TRMT61B: variants seen among roughly 807,000 people sequenced by gnomAD.
TRMT61B encodes the protein tRNA (adenine(58)-N(1))-methyltransferase, mitochondrial.
TRMT61B carries 56 observed loss-of-function variants against 52.0 expected under a neutral mutation model. That is an observed-to-expected ratio of 1.08 (90% CI 0.87 to 1.35). The LOEUF (loss-of-function observed/expected upper bound fraction) is 1.35. Ranked by LOEUF, TRMT61B falls within the 40% of genes most tolerant of loss-of-function variation. TRMT61B has a pLI of 0.00. For missense variants in TRMT61B, 650 were observed against 577.9 expected, an observed-to-expected ratio of 1.12 and a Z score of -1.28; for synonymous variants, 206 against 220.0, an observed-to-expected ratio of 0.94 and a Z score of 0.56.
intron 2 of TRMT61B, among the ~76,000 whole-genome samples, chr2:28,864,017 A>G (rs987870825): frequency 1.8e-4 from 27 of 152,288 alleles, no homozygotes; most frequent in African/African-American, 6.0e-4. Context: ...TAGGAACATG[A>G]AAAAATATAT....
rs186134589 is a variant in TRMT61B, at chr2:28,858,607, C to T, written c.993+2511G>A. Among the ~76,000 whole-genome samples, 412 of 151,018 alleles carry T rather than the reference C, an allele frequency of 2.7e-3. 3 individuals carry two copies. The highest frequency in any genetic ancestry group is 9.6e-3 in the African/African-American group (397 of 41,274). ...CCCTGGAGTTCGAGACCAGCCTAGG[C>T]AACATGGTGAAACCCCATCTCTACT... On this transcript the variant is annotated intron_variant, in intron 3 of 6. Coordinates refer to ENST00000306108, the MANE Select transcript of TRMT61B (RefSeq NM_017910.4).
chr2:28,854,497 T>G (rs371692806), intron 3 of TRMT61B, among the ~76,000 whole-genome samples: 1 of 152,034 alleles, frequency 6.6e-6, no homozygotes, highest in African/African-American at 2.4e-5. Context: ...CCCAGCACTT[T>G]GCGAGGCCGA....
chr2:28,852,550 G>A, intron 3 of TRMT61B, 51 bp from the exon 4 acceptor site: 1 of 1,225,450 alleles, frequency 8.2e-7, no homozygotes, highest in Non-Finnish European at 1.2e-6. Flanking sequence ...TTTAAATAAA[G>A]CATAAGTTTT....
At chr2:28,856,956 C>T (rs564053667) in intron 3 of TRMT61B, among the ~76,000 whole-genome samples, 10 of 151,912 alleles carry the variant, frequency 6.6e-5, no homozygotes, top group East Asian at 3.9e-4. Flanking sequence ...ATTTTTGAGA[C>T]AGAGTCTTGC....
At chr2:28,858,712 T>C (rs1348232932) in intron 3 of TRMT61B, among the ~76,000 whole-genome samples, 2 of 145,356 alleles carry the variant, frequency 1.4e-5, no homozygotes, top group African/African-American at 2.6e-5. Context: ...CGAGAATCGC[T>C]TGAACCCGGG....
Position 28,869,666 on chromosome 2 carries a change from G to A in TRMT61B, c.612C>T (p.Ser204=). 6 of 1,614,154 alleles carry A rather than the reference G, an allele frequency of 3.7e-6. No individual in the cohort carries two copies. The highest frequency in any genetic ancestry group is 5.1e-6 in the Non-Finnish European group (6 of 1,180,010). ...TCCTCAGCATGTACTGCTTACCGAA[G>A]GAACTCCTCAGTATCTGGCCGGGGA... ...GKFPGQILRS[S]FGKQYMLRRP... Residue 204 remains serine (S), a synonymous_variant, in exon 1 of 7, where the codon TCC becomes TCT. Coordinates refer to ENST00000306108, the MANE Select transcript of TRMT61B (RefSeq NM_017910.4).
Position 28,850,310 on chromosome 2 carries a change from T to C in TRMT61B, c.1390+18A>G. 1 of 1,605,458 alleles carries C rather than the reference T, an allele frequency of 6.2e-7. No individual in the cohort carries two copies. Among genetic ancestry groups the C allele is most frequent in the South Asian group, 1.1e-5 (1 of 90,146 alleles). ...AAAGAAAAAACACCATTTAATATGTTCTGAAAACATTACTCACCTGTATGA... is the reference window on the plus strand; with the variant it reads ...AAAGAAAAAACACCATTTAATATGTCCTGAAAACATTACTCACCTGTATGA... On this transcript the variant is annotated intron_variant, in intron 6 of 6. Transcript: ENST00000306108.
chr2:28,856,345 C>T (rs1669340745), intron 3 of TRMT61B, among the ~76,000 whole-genome samples: 1 of 152,170 alleles, frequency 6.6e-6, no homozygotes, highest in Non-Finnish European at 1.5e-5. Flanking sequence ...TAGGTCAACA[C>T]CTCACCATAT....
chr2:28,859,778 A>G (rs183447609), intron 3 of TRMT61B, among the ~76,000 whole-genome samples: 6 of 152,320 alleles, frequency 3.9e-5, no homozygotes, highest in Non-Finnish European at 7.3e-5. Context: ...TCATCAAGCA[A>G]AATTCTGATG....
intron 2 of TRMT61B, among the ~76,000 whole-genome samples, chr2:28,864,771 AAAG>A: frequency 6.6e-6 from 1 of 152,242 alleles, no homozygotes; most frequent in East Asian, 1.9e-4. Context: ...ACTTAAGAAA[AAAG>A]AAGCAGCATT....
In TRMT61B at chr2:28,863,841, T is replaced by C. The variant is rs531101676; in HGVS notation, c.802+1176A>G. ...AGCATATTTCTATCTGTAATCTTTATAAAATCTACTCAAAGAAAGTACTGT... is the reference window on the plus strand; with the variant it reads ...AGCATATTTCTATCTGTAATCTTTACAAAATCTACTCAAAGAAAGTACTGT... On this transcript the variant is annotated intron_variant, in intron 2 of 6. Transcript: ENST00000306108. 3.2e-4 allele frequency among the ~76,000 whole-genome samples: 49 copies of C among 152,290 alleles called. 1 individual carries two copies. In the Middle Eastern group the frequency reaches 0.01, roughly 32 times the overall value.
chr2:28,864,412 A>G (rs1009397003), intron 2 of TRMT61B, among the ~76,000 whole-genome samples: 2 of 152,244 alleles, frequency 1.3e-5, no homozygotes, highest in African/African-American at 4.8e-5. Context: ...AGAGTATTAT[A>G]CAGCAACTAA....
intron 1 of TRMT61B, among the ~76,000 whole-genome samples, chr2:28,865,864 G>A (rs560189332): frequency 1.7e-4 from 25 of 150,594 alleles, no homozygotes; most frequent in Non-Finnish European, 2.5e-4. Flanking sequence ...TATTTTTAGT[G>A]GAGATGGGGT....
At chr2:28,857,904 T>C (rs1473623912) in intron 3 of TRMT61B, among the ~76,000 whole-genome samples, 1 of 152,228 alleles carries the variant, frequency 6.6e-6, no homozygotes, top group Non-Finnish European at 1.5e-5. Context: ...TCATTTCACA[T>C]ATTCTCTTAT....
intron 2 of TRMT61B, 74 bp downstream of exon 2, chr2:28,864,943 T>A: frequency 1.1e-6 from 1 of 887,980 alleles, no homozygotes; most frequent in South Asian, 1.5e-5. Context: ...CAAATATCTT[T>A]ATACCTTTCT....
At chr2:28,854,375 GGGA>G (rs1410119747) in intron 3 of TRMT61B, among the ~76,000 whole-genome samples, 1 of 152,112 alleles carries the variant, frequency 6.6e-6, no homozygotes, top group Non-Finnish European at 1.5e-5. Context: ...GGGAAGCCAA[GGGA>G]GGAGGATTGC....
At chr2:28,868,213 G>A (rs905833925) in intron 1 of TRMT61B, among the ~76,000 whole-genome samples, 15 of 152,016 alleles carry the variant, frequency 9.9e-5, no homozygotes, top group Admixed American at 9.8e-4. Flanking sequence ...CACCTCATAC[G>A]GGGTCCCTCA....
At position 28,869,713 on chromosome 2, in the gene TRMT61B, AC is replaced by A; in HGVS notation, c.564del (p.Phe189SerfsTer13). Reference protein sequence around the residue: ...GLLNSNWGAVPFGKIVGKFPG... With the variant: ...GLLNSNWGAVXFGKIVGKFPG... The stretch of plus-strand genomic sequence containing the variant: ...GGGAACTTCCCCACGATCTTGCCGA[AC>A]GGGACTGCCCCCCAGTTACTATTTA... On this transcript the variant is annotated frameshift_variant, in exon 1 of 7. Transcript: ENST00000306108. LOFTEE classifies it high-confidence loss of function. The A allele has an allele frequency of 6.2e-7, 1 of 1,614,192 alleles. No homozygotes were observed. The highest frequency in any genetic ancestry group is 1.1e-5 in the South Asian group (1 of 91,070).
At chr2:28,852,745 A>C (rs1055420419) in intron 3 of TRMT61B, among the ~76,000 whole-genome samples, 1 of 151,968 alleles carries the variant, frequency 6.6e-6, no homozygotes, top group Non-Finnish European at 1.5e-5. Context: ...GATCCATTTG[A>C]GGCCGAGTTT....
Sources: allele counts gnomAD v4.1 joint callset (sites outside exome capture counted in the v4.1 genomes callset), GRCh38; gene constraint gnomAD v4.1.1; transcripts MANE v1.5; gene names NCBI Gene and HGNC (gene_info 2026-07-23, HGNC 2026-07-21).